The following TMEM63A variants were observed in gnomAD, a reference collection of about 807,000 sequenced individuals.
TMEM63A encodes transmembrane protein 63A.
In TMEM63A, 76 loss-of-function variants were observed where a neutral mutation model predicts 100.6. The observed-to-expected ratio is 0.76, with a 90% CI of 0.63 to 0.91. TMEM63A has a LOEUF of 0.91. Ranked by LOEUF, TMEM63A falls within the 40% of genes least tolerant of loss-of-function variation. TMEM63A has a pLI of 0.00. For missense variants in TMEM63A, 876 were observed against 1,008.8 expected, an observed-to-expected ratio of 0.87 and a Z score of 1.78; for synonymous variants, 401 against 401.1, an observed-to-expected ratio of 1.00 and a Z score of 0.00.
Position 225,867,101 on chromosome 1 carries a change from T to A in TMEM63A, c.566+11A>T, listed in dbSNP as rs1670254140. The A allele has an allele frequency of 6.2e-7, 1 of 1,613,972 alleles. No individual in the cohort carries two copies. Among genetic ancestry groups the A allele is most frequent in the African/African-American group, 1.3e-5 (1 of 74,898 alleles). ...CCCATCAGCACCTATCCCCACGGGC[T>A]CCATACTCACTCAGTCTGTAGGTTT... On this transcript the variant is annotated intron_variant, in intron 8 of 24. Transcript: ENST00000366835. The surrounding 1 kb of genome is among the most constrained non-coding windows in gnomAD (Gnocchi z 4.6).
At chr1:225,872,109 C>T in intron 4 of TMEM63A, 56 bp from the exon 5 acceptor site, 1 of 1,284,692 alleles carries the variant, frequency 7.8e-7, no homozygotes, top group Non-Finnish European at 1.1e-6. Flanking sequence ...AAAAAAAAGC[C>T]AAACAAGTCA....
chr1:225,868,938 G>A (rs765404303), intron 6 of TMEM63A, among the ~76,000 whole-genome samples: 16 of 152,144 alleles, frequency 1.1e-4, no homozygotes, highest in Non-Finnish European at 2.4e-4. Context: ...GTTCACACAA[G>A]CCAGACTTCT....
intron 4 of TMEM63A, among the ~76,000 whole-genome samples, chr1:225,873,815 A>G (rs1443750512): frequency 1.3e-5 from 2 of 152,144 alleles, no homozygotes; most frequent in Admixed American, 6.5e-5. Context: ...AATTTCAAAG[A>G]TGATCACTTA....
chr1:225,863,927 A>C (rs1158389323), intron 10 of TMEM63A: 1 of 149,126 alleles, frequency 6.7e-6, no homozygotes, highest in Non-Finnish European at 1.5e-5. Flanking sequence ...AAAAAAAAAA[A>C]AAAAAAAAAA....
At chr1:225,874,626 C>T (rs923498499) in intron 3 of TMEM63A, among the ~76,000 whole-genome samples, 1 of 152,222 alleles carries the variant, frequency 6.6e-6, no homozygotes, top group Non-Finnish European at 1.5e-5. Flanking sequence ...TTGCCTGGAG[C>T]CTGCCTAGTT....
Position 225,877,381 on chromosome 1 carries a change from A to G in TMEM63A, c.186+14T>C, listed in dbSNP as rs1343284702. ...TAACTGAGGCAGTGGGACACGACTC[A>G]TGAGGGCTCTCACCAGGAAGCAGCT... On this transcript the variant is annotated intron_variant, in intron 3 of 24. Coordinates refer to ENST00000366835, the MANE Select transcript of TMEM63A (RefSeq NM_014698.3). 1.2e-6 allele frequency: 2 copies of G among 1,605,918 alleles called. No homozygotes were observed. The highest frequency in any genetic ancestry group is 1.7e-6 in the Non-Finnish European group (2 of 1,173,640).
intron 22 of TMEM63A, 114 bp downstream of exon 22, chr1:225,848,783 G>T: frequency 1.1e-6 from 1 of 946,072 alleles, no homozygotes; most frequent in South Asian, 1.6e-5. Flanking sequence ...GCAGAATCTG[G>T]AGAAGGCTGC....
downstream of TMEM63A, among the ~76,000 whole-genome samples, chr1:225,840,636 A>T (rs1668319207): frequency 6.6e-6 from 1 of 152,240 alleles, no homozygotes; most frequent in East Asian, 1.9e-4. Flanking sequence ...TCTCCATGGG[A>T]CAAAATTCAT....
rs201548552 is a variant in TMEM63A at position 225,862,283 on chromosome 1, G to C, written c.1020C>G (p.Arg340=). Residue 340 remains arginine (R), a synonymous_variant, in exon 13 of 25, where the codon CGC becomes CGG. Coordinates refer to ENST00000366835, the MANE Select transcript of TMEM63A (RefSeq NM_014698.3). This position sits in a 1 kb window ranked among gnomAD's most constrained non-coding sequence, Gnocchi z 5.1. ...RLLERITEEE[R]HVQDQPLGMA... is the part of the protein sequence containing the mutation. ...TTCCCAGGGGCTGGTCCTGGACGTG[G>C]CGTTCTTCCTCTGTGATCCTCTCCA... 3.4e-4 allele frequency: 553 copies of C among 1,614,200 alleles called. 1 individual carries two copies. The highest frequency in any genetic ancestry group is 4.3e-4 in the Non-Finnish European group (511 of 1,180,032).
Position 225,872,029 on chromosome 1 carries a change from T to C in TMEM63A, c.291A>G (p.Ser97=), listed in dbSNP as rs1237879930. ...CTTGTTGACCTGAGGAGGAAGTCGATGACAATCTCTGAAATCTGGACTCGC... is the reference window on the plus strand; with the variant it reads ...CTTGTTGACCTGAGGAGGAAGTCGACGACAATCTCTGAAATCTGGACTCGC... ...ADSESRFQRL[S]STSSSGQQDF... The change falls in exon 5 of 25, where the codon TCA becomes TCG. Residue 97 remains serine, a synonymous_variant. Coordinates refer to ENST00000366835, the MANE Select transcript of TMEM63A (RefSeq NM_014698.3). 3 of 1,612,200 alleles carry C rather than the reference T, an allele frequency of 1.9e-6. No individual in the cohort carries two copies. The highest frequency in any genetic ancestry group is 2.5e-6 in the Non-Finnish European group (3 of 1,179,432).
rs1387372255 is a variant in TMEM63A at position 225,850,036 on chromosome 1, G to A, written c.1947C>T (p.Asn649=). The A allele has an allele frequency of 3.1e-6, 5 of 1,614,216 alleles. No homozygotes were observed. In the Admixed American group the frequency reaches 8.3e-5, roughly 27 times the overall value. ...ILLKHMVDRH[N]LYFVYLPAKL... The stretch of plus-strand genomic sequence containing the variant: ...TGGCTGGGAGGTAGACGAAGTAGAG[G>A]TTGTGCCGGTCCACCATGTGCTTGA... The change falls in exon 21 of 25, where the codon AAC becomes AAT. Residue 649 remains asparagine (N), a synonymous_variant. Transcript: ENST00000366835.
At chr1:225,870,155 G>A (rs805179) in intron 6 of TMEM63A, among the ~76,000 whole-genome samples, 133,312 of 151,754 alleles carry the variant, frequency 0.88, 58,675 homozygotes, top group Non-Finnish European at 0.91. Context: ...TTGGAGATCC[G>A]CGTGACCAAC....
intron 21 of TMEM63A, 35 bp from the exon 22 acceptor site, chr1:225,849,047 A>G (rs1669182214): frequency 4.3e-6 from 2 of 461,090 alleles, no homozygotes; most frequent in South Asian, 1.6e-5. Flanking sequence ...TGGGGTGGGC[A>G]GGGAGGGGCC....
At position 225,866,615 on chromosome 1, in the gene TMEM63A, G is replaced by C; in HGVS notation, c.634C>G (p.Arg212Gly). The part of the protein sequence containing the change: ...IYLFLTVGFM[R>G]HHTQSIKYKE... ...TACTTAATGGACTGAGTGTGGTGCC[G>C]CATGAAACCCACAGTGAGGAAGAGG... Residue 212 changes from arginine (R) to glycine (G), a missense_variant, in exon 9 of 25, where the codon CGG becomes GGG. By Grantham distance (125) the Arg-to-Gly change is moderately radical (BLOSUM62 -2). Transcript: ENST00000366835. The C allele has an allele frequency of 6.2e-7, 1 of 1,613,932 alleles. No homozygotes were observed. The highest frequency in any genetic ancestry group is 8.5e-7 in the Non-Finnish European group (1 of 1,179,886).
chr1:225,846,833 G>A lies in TMEM63A; in HGVS notation c.*106C>T, dbSNP rs187897927. 14 of 551,416 alleles carry A rather than the reference G, an allele frequency of 2.5e-5. No homozygotes were observed. The highest frequency in any genetic ancestry group is 4.2e-5 in the Non-Finnish European group (14 of 333,108). The allele number at this position is 551,416 out of a possible 1,614,324, so 34.2% of individuals were successfully genotyped here. A position where few individuals can be genotyped will look rare whatever the true frequency, so the allele number is the denominator to read the frequency against. On this transcript the variant is annotated 3_prime_UTR_variant, in exon 25 of 25. Coordinates refer to ENST00000366835, the MANE Select transcript of TMEM63A (RefSeq NM_014698.3). ...ACCACTGCTGGGACCAGAAAAGATGGGCACCTGATAGCTCAGCTGGGCAGT... is the reference window on the plus strand; with the variant it reads ...ACCACTGCTGGGACCAGAAAAGATGAGCACCTGATAGCTCAGCTGGGCAGT...
Position 225,877,409 on chromosome 1 carries a change from C to A in TMEM63A, c.172G>T (p.Val58Phe). 6.2e-7 allele frequency: 1 copy of A among 1,612,530 alleles called. No homozygotes were observed. Among genetic ancestry groups the A allele is most frequent in the Non-Finnish European group, 8.5e-7 (1 of 1,178,764 alleles). The change falls in exon 3 of 25, where the codon GTC becomes TTC. Residue 58 changes from valine to phenylalanine, a missense_variant. Val to Phe is a conservative substitution (Grantham distance 50). Around this residue, in one of 5 missense-constraint regions of TMEM63A, gnomAD observed 487 missense variants for 581.9 expected, o/e 0.84. Transcript: ENST00000366835. ...GGIPTVLLIDVSCFLFLILVF... is the reference protein window; with the variant it reads ...GGIPTVLLIDFSCFLFLILVF... ...AGGGCTCTCACCAGGAAGCAGCTGA[C>A]GTCTATGAGCAGGACAGTGGGGATG...
At chr1:225,877,251 CTAAGTCACAGAGCTGG>C in intron 3 of TMEM63A, 128 bp downstream of exon 3, 2 of 900,370 alleles carry the variant, frequency 2.2e-6, no homozygotes, top group South Asian at 4.0e-5. Flanking sequence ...AGTAACACGC[CTAAGTCACAGAGCTGG>C]TAAGCAGCAG....
chr1:225,857,771 G>A (rs1669717034), intron 15 of TMEM63A, among the ~76,000 whole-genome samples: 1 of 152,108 alleles, frequency 6.6e-6, no homozygotes, highest in African/African-American at 2.4e-5. Flanking sequence ...TGAAATAAGG[G>A]TGTGGTTGAT....
At chr1:225,864,982 G>A (rs1185936210) in intron 10 of TMEM63A, 2 of 152,160 alleles carry the variant, frequency 1.3e-5, no homozygotes, top group African/African-American at 4.8e-5. Flanking sequence ...TTAGCTGGGT[G>A]TGGTGCCATG....
Sources: gnomAD v4.1 joint callset for allele counts (sites outside exome capture counted in the v4.1 genomes callset) on GRCh38, gnomAD v4.1.1 for gene constraint, gnomAD v4.1.1 regional missense constraint, Gnocchi (gnomAD v3.1) non-coding constraint, MANE v1.5 for transcripts, NCBI Gene and HGNC (gene_info 2026-07-23, HGNC 2026-07-21) for gene names.